Variants in NAV1 observed in about 807,000 individuals in gnomAD.
NAV1 encodes neuron navigator 1.
Under a neutral mutation model 175.2 loss-of-function variants are expected in NAV1, and 18 were observed. The observed-to-expected ratio is 0.10, with a 90% CI of 0.07 to 0.15. The LOEUF is 0.15. NAV1 is among the 10% of genes least tolerant of loss of function. The probability of loss-of-function intolerance (pLI) is 1.00; values close to 1 mark genes in which losing one functional copy is unlikely to be tolerated. For missense variants in NAV1, 1,731 were observed against 2,436.6 expected, an observed-to-expected ratio of 0.71 and a Z score of 6.10; for synonymous variants, 897 against 978.7, an observed-to-expected ratio of 0.92 and a Z score of 1.56.
At chr1:201,704,097 C>A (rs1258896121) in intron 1 of NAV1, among the ~76,000 whole-genome samples, 2 of 152,182 alleles carry the variant, frequency 1.3e-5, no homozygotes, top group Admixed American at 6.5e-5. Context: ...GTTGGTTAAT[C>A]CCAGAAGCCA....
intron 17 of NAV1, among the ~76,000 whole-genome samples, chr1:201,805,031 A>G (rs953697642): frequency 3.9e-5 from 6 of 152,158 alleles, no homozygotes; most frequent in African/African-American, 1.4e-4. Context: ...CAAAGCCTAA[A>G]ACTGTCTAAG....
At chr1:201,706,690 A>G (rs1215222071) in intron 1 of NAV1, among the ~76,000 whole-genome samples, 1 of 152,218 alleles carries the variant, frequency 6.6e-6, no homozygotes, top group African/African-American at 2.4e-5. Flanking sequence ...AGCCACTCAC[A>G]GCAGAAGCCA....
chr1:201,784,381 C>T (rs1676550260), intron 7 of NAV1, among the ~76,000 whole-genome samples: 1 of 152,140 alleles, frequency 6.6e-6, no homozygotes, highest in Non-Finnish European at 1.5e-5. Context: ...TGGTCTTGAA[C>T]TCCTGACCTC....
intron 1 of NAV1, among the ~76,000 whole-genome samples, chr1:201,561,453 C>G (rs923933884): frequency 2.0e-5 from 3 of 152,324 alleles, no homozygotes; most frequent in African/African-American, 7.2e-5. Flanking sequence ...TACTTACTAG[C>G]TGGGTAACTA....
chr1:201,539,636 T>C lies in NAV1; in HGVS notation c.-144+294T>C, dbSNP rs532956028. ...GGGGGCTGCCTAACTTCAGTCCCTC[T>C]GAGCCTCAGTTTCCTTGTTGTGAAA... On this transcript the variant is annotated intron_variant, in intron 1 of 33. Coordinates refer to the NAV1 transcript ENST00000685211. The surrounding 1 kb of genome is among the most constrained non-coding windows in gnomAD (Gnocchi z 5.6). Among the ~76,000 whole-genome samples, 1 of 152,344 alleles carries C rather than the reference T, an allele frequency of 6.6e-6. No individual in the cohort carries two copies. The highest frequency in any genetic ancestry group is 2.4e-5 in the African/African-American group (1 of 41,588).
chr1:201,681,401 ACTAATGGGGTTCGTGAGT>A (rs926061442), intron 1 of NAV1, among the ~76,000 whole-genome samples: 3 of 152,224 alleles, frequency 2.0e-5, no homozygotes, highest in African/African-American at 7.2e-5. Context: ...GACTTTGTAT[ACTAATGGGGTTCGTGAGT>A]CCCCAGGAAT....
chr1:201,634,827 T>C (rs1207178696), intron 2 of NAV1, among the ~76,000 whole-genome samples: 1 of 152,114 alleles, frequency 6.6e-6, no homozygotes, highest in Non-Finnish European at 1.5e-5. Flanking sequence ...AAAAGGTGTG[T>C]GAGTGATTCT....
chr1:201,552,706 C>T (rs1344923812), intron 1 of NAV1, among the ~76,000 whole-genome samples: 1 of 152,152 alleles, frequency 6.6e-6, no homozygotes, highest in Admixed American at 6.5e-5. Context: ...AATTTGGATG[C>T]CCCGTGGCTC....
chr1:201,721,783 T>C (rs1300868011), intron 3 of NAV1, among the ~76,000 whole-genome samples: 3 of 152,204 alleles, frequency 2.0e-5, no homozygotes, highest in East Asian at 1.9e-4. Flanking sequence ...CTGGGTGACA[T>C]AATCGGCTCC....
At chr1:201,649,244 C>T (rs371052549) in exon 1 of NAV1, 10 of 1,613,184 alleles carry the variant, frequency 6.2e-6, no homozygotes, top group Non-Finnish European at 7.6e-6. Flanking sequence ...CTGAAGCGGC[C>T]GTGAGCGAAG....
rs561927033 is a variant in NAV1 at position 201,648,817 on chromosome 1, CCGGCGG to C, written c.160_165del (p.Gly54_Gly55del). 3.5e-5 allele frequency: 56 copies of C among 1,582,188 alleles called. No homozygotes were observed. The highest frequency in any genetic ancestry group is 3.4e-4 in the Middle Eastern group (2 of 5,952). On this transcript the variant is annotated inframe_deletion, in exon 1 of 30. Coordinates refer to ENST00000367296, the Ensembl canonical transcript of NAV1. ...ATGCTGCCCAAGCGCGCCAAGGCGC[CCGGCGG>C]CGGCGGCGGCATGGCCAAGGCCAGC...
chr1:201,628,846 G>C (rs1668409453), intron 1 of NAV1, among the ~76,000 whole-genome samples: 1 of 152,164 alleles, frequency 6.6e-6, no homozygotes, highest in East Asian at 1.9e-4. Flanking sequence ...GGCCCAGCAA[G>C]AGACCTGTCC....
chr1:201,597,936 G>T (rs904587278), intron 2 of NAV1, among the ~76,000 whole-genome samples: 1 of 152,210 alleles, frequency 6.6e-6, no homozygotes, highest in Non-Finnish European at 1.5e-5. Context: ...CACCCACCTT[G>T]GCCAGGGAGC....
chr1:201,560,382 C>T (rs925549130), intron 1 of NAV1, among the ~76,000 whole-genome samples: 6 of 152,212 alleles, frequency 3.9e-5, no homozygotes, highest in South Asian at 2.1e-4. Context: ...CCTTAGCCAG[C>T]GCCAGCTTCC....
rs1558198829 is a variant in NAV1, at chr1:201,817,082, T to G, written c.5341-6T>G. The G allele has an allele frequency of 2.5e-6, 4 of 1,613,408 alleles. No homozygotes were observed. Among genetic ancestry groups the G allele is most frequent in the Non-Finnish European group, 3.4e-6 (4 of 1,179,508 alleles). On this transcript the variant is annotated splice_polypyrimidine_tract_variant and splice_region_variant and intron_variant, in intron 28 of 29. Transcript: ENST00000367296. ...CCACAGTAATCATATTTCACCTTCT[T>G]TCCAGGTCCATGGACAGAAAGCTGC...
intron 2 of NAV1, among the ~76,000 whole-genome samples, chr1:201,589,348 G>A (rs1318067360): frequency 2.6e-5 from 4 of 152,166 alleles, no homozygotes; most frequent in Non-Finnish European, 4.4e-5. Context: ...GAAGCAAATT[G>A]TCATCTTTGC....
intron 3 of NAV1, among the ~76,000 whole-genome samples, chr1:201,756,126 A>G (rs1417590545): frequency 2.0e-5 from 3 of 150,650 alleles, no homozygotes; most frequent in African/African-American, 7.3e-5. Flanking sequence ...AAAAAAAAAA[A>G]GTGGTGTAGG....
intron 3 of NAV1, among the ~76,000 whole-genome samples, chr1:201,744,119 G>A (rs1372475971): frequency 6.6e-6 from 1 of 152,090 alleles, no homozygotes; most frequent in Non-Finnish European, 1.5e-5. Flanking sequence ...CTGACCTCAG[G>A]TGATCCACCC....
intron 28 of NAV1, 186 bp from the exon 33 acceptor site, chr1:201,816,902 G>A: frequency 1.7e-6 from 1 of 587,738 alleles, no homozygotes; most frequent in Non-Finnish European, 3.0e-6. Context: ...TTGAACTTCT[G>A]ACCTCAAGTG....
Sources: allele counts gnomAD v4.1 joint callset (sites outside exome capture counted in the v4.1 genomes callset), GRCh38; gene constraint gnomAD v4.1.1; non-coding constraint Gnocchi (gnomAD v3.1); transcripts MANE v1.5; gene names NCBI Gene and HGNC (gene_info 2026-07-23, HGNC 2026-07-21).